The following TSHZ2 variants were observed in gnomAD, a reference collection of about 807,000 sequenced individuals.
TSHZ2 encodes teashirt homolog 2.
Under a neutral mutation model 74.4 loss-of-function variants are expected in TSHZ2, and 21 were observed. The observed-to-expected ratio is 0.28, with a 90% CI of 0.20 to 0.41. The LOEUF (loss-of-function observed/expected upper bound fraction) is 0.41. Ranked by LOEUF, TSHZ2 falls within the 10% of genes least tolerant of loss-of-function variation. The pLI is 1.00. For missense variants in TSHZ2, 1,244 were observed against 1,293.5 expected (o/e 0.96, Z 0.59); for synonymous variants, 540 against 515.3 (o/e 1.05, Z -0.65).
intron 1 of TSHZ2, among the ~76,000 whole-genome samples, chr20:53,185,846 A>G (rs1474229725): frequency 6.6e-6 from 1 of 152,120 alleles, no homozygotes; most frequent in African/African-American, 2.4e-5. Context: ...TACTTTTTCC[A>G]TATCTATCAG....
At chr20:53,018,446 C>T (rs73284191) in intron 1 of TSHZ2, among the ~76,000 whole-genome samples, 1,852 of 152,262 alleles carry the variant, frequency 0.012, 41 homozygotes, top group African/African-American at 0.042. Context: ...TTCCAGAATT[C>T]TGCAGAGGAT....
intron 1 of TSHZ2, among the ~76,000 whole-genome samples, chr20:53,090,433 G>A (rs2123259189): frequency 6.6e-6 from 1 of 152,344 alleles, no homozygotes; most frequent in Admixed American, 6.5e-5. Context: ...GAATAGGGTG[G>A]AGAGAGTCAG....
chr20:53,099,728 A>G (rs903963303), intron 1 of TSHZ2, among the ~76,000 whole-genome samples: 3 of 152,168 alleles, frequency 2.0e-5, no homozygotes, highest in Non-Finnish European at 4.4e-5. Flanking sequence ...TTATAAAAAC[A>G]TCTGATCTTG....
intron 1 of TSHZ2, among the ~76,000 whole-genome samples, chr20:53,020,670 G>A (rs777863010): frequency 9.9e-5 from 15 of 152,208 alleles, no homozygotes; most frequent in Admixed American, 3.9e-4. Context: ...AAGAGCAAGT[G>A]GGTCTAAATG....
chr20:53,141,660 C>CT (rs1261122897), intron 1 of TSHZ2, among the ~76,000 whole-genome samples: 1 of 152,204 alleles, frequency 6.6e-6, no homozygotes, highest in Non-Finnish European at 1.5e-5. Flanking sequence ...GGCCTGGGTG[C>CT]TGTTTGTCAC....
At chr20:53,069,433 C>G (rs1680814718) in intron 1 of TSHZ2, among the ~76,000 whole-genome samples, 2 of 152,116 alleles carry the variant, frequency 1.3e-5, no homozygotes, top group Non-Finnish European at 2.9e-5. Context: ...ATGATTTATC[C>G]TATTATCTTC....
intron 1 of TSHZ2, among the ~76,000 whole-genome samples, chr20:53,242,643 T>A (rs546726849): frequency 4.8e-4 from 64 of 133,600 alleles, no homozygotes; most frequent in African/African-American, 1.7e-3. Flanking sequence ...ACCCTGTGAG[T>A]TTAAACCCAT....
At chr20:53,214,433 C>T (rs761680113) in intron 1 of TSHZ2, among the ~76,000 whole-genome samples, 1 of 152,144 alleles carries the variant, frequency 6.6e-6, no homozygotes, top group South Asian at 2.1e-4. Context: ...GACAGTGTTG[C>T]GAGGGCTCAC....
At chr20:53,442,180 G>A (rs1397377711) in intron 2 of TSHZ2, among the ~76,000 whole-genome samples, 2 of 152,162 alleles carry the variant, frequency 1.3e-5, no homozygotes. Flanking sequence ...GAATGTATGA[G>A]TGTGTGTACG....
chr20:53,243,805 T>TCTTG (rs1022665822), intron 1 of TSHZ2, among the ~76,000 whole-genome samples: 29 of 150,740 alleles, frequency 1.9e-4, no homozygotes, highest in Non-Finnish European at 3.5e-4. Context: ...ACAGTGGGTT[T>TCTTG]CTTGCTTGCT....
intron 1 of TSHZ2, among the ~76,000 whole-genome samples, chr20:53,015,023 T>C (rs550156109): frequency 6.6e-6 from 1 of 152,328 alleles, no homozygotes; most frequent in East Asian, 1.9e-4. Flanking sequence ...GCCATTCCCT[T>C]GTTGCCCCAC....
At chr20:52,983,708 G>A (rs1386287663) in intron 1 of TSHZ2, among the ~76,000 whole-genome samples, 1 of 152,216 alleles carries the variant, frequency 6.6e-6, no homozygotes, top group Admixed American at 6.5e-5. Context: ...GTGACATCAC[G>A]TGCCTTCGAC....
At chr20:53,202,958 A>G (rs1320537898) in intron 1 of TSHZ2, among the ~76,000 whole-genome samples, 2 of 152,274 alleles carry the variant, frequency 1.3e-5, no homozygotes, top group African/African-American at 4.8e-5. Flanking sequence ...ATGGCTATGT[A>G]CAAAGCCATT....
chr20:53,096,732 C>T (rs866240540), intron 1 of TSHZ2, among the ~76,000 whole-genome samples: 1 of 151,490 alleles, frequency 6.6e-6, no homozygotes, highest in African/African-American at 2.4e-5. Context: ...AAATACAAAA[C>T]TTAGCTGGGC....
chr20:53,033,812 C>T (rs1983729394), intron 1 of TSHZ2, among the ~76,000 whole-genome samples: 1 of 151,592 alleles, frequency 6.6e-6, no homozygotes, highest in Non-Finnish European at 1.5e-5. Context: ...GGCATGCACC[C>T]CTAGGCCTGG....
intron 1 of TSHZ2, among the ~76,000 whole-genome samples, chr20:53,009,373 A>T (rs1439883086): frequency 1.3e-5 from 2 of 152,034 alleles, no homozygotes; most frequent in African/African-American, 4.8e-5. Flanking sequence ...ATATACAAGC[A>T]ATATCCTGTA....
chr20:53,102,969 A>G (rs572056102), intron 1 of TSHZ2, among the ~76,000 whole-genome samples: 2 of 152,248 alleles, frequency 1.3e-5, no homozygotes, highest in East Asian at 3.9e-4. Context: ...CGCTGCACCC[A>G]CTAGGATAGA....
rs559928281 is a variant in TSHZ2 at position 53,115,173 on chromosome 20, G to T, written c.41-138326G>T. 2.6e-5 allele frequency among the ~76,000 whole-genome samples: 4 copies of T among 152,256 alleles called. No homozygotes were observed. The South Asian group carries it at 8.3e-4, about 32-fold the overall frequency. ...GGGGTACAAAGTTTTTCCCCTTGTG[G>T]ATCATACCTCTAGAATAGAGGGAAG... On this transcript the variant is annotated intron_variant, in intron 1 of 2. Coordinates refer to ENST00000371497, the MANE Select transcript of TSHZ2 (RefSeq NM_173485.6).
chr20:53,149,842 A>G (rs1568783384), intron 1 of TSHZ2, among the ~76,000 whole-genome samples: 1 of 152,216 alleles, frequency 6.6e-6, no homozygotes, highest in South Asian at 2.1e-4. Context: ...TCCTGTTTGC[A>G]TAAGCACGCT....
Sources: allele counts gnomAD v4.1 joint callset (sites outside exome capture counted in the v4.1 genomes callset), GRCh38; gene constraint gnomAD v4.1.1; transcripts MANE v1.5; gene names NCBI Gene and HGNC (gene_info 2026-07-23, HGNC 2026-07-21).